IMPA1: variants seen among roughly 807,000 people sequenced by gnomAD.
IMPA1 encodes the protein D-galactose 1-phosphate phosphatase.
Under a neutral mutation model 34.9 loss-of-function variants are expected in IMPA1, and 21 were observed. The observed-to-expected ratio is 0.60, with a 90% CI of 0.43 to 0.87. The LOEUF is 0.87. Among genes scored for constraint, IMPA1 ranks in the 40% least tolerant of loss-of-function variants. The pLI is 0.00. For missense variants in IMPA1, 299 were observed against 336.4 expected, an observed-to-expected ratio of 0.89 and a Z score of 0.87; for synonymous variants, 95 against 104.4, an observed-to-expected ratio of 0.91 and a Z score of 0.55.
intron 1 of IMPA1, among the ~76,000 whole-genome samples, chr8:81,684,138 TACACACAC>T (rs955987022): frequency 8.8e-6 from 1 of 113,994 alleles, no homozygotes; most frequent in South Asian, 2.4e-4. Flanking sequence ...CATACACACA[TACACACAC>T]ACACACACAT....
intron 4 of IMPA1, among the ~76,000 whole-genome samples, chr8:81,676,757 G>C (rs1290682241): frequency 6.6e-6 from 1 of 152,016 alleles, no homozygotes; most frequent in Non-Finnish European, 1.5e-5. Flanking sequence ...GGCCAAAGCA[G>C]GAAGATCACT....
chr8:81,659,611 A>T, intron 8 of IMPA1, 145 bp from the exon 9 acceptor site: 1 of 608,826 alleles, frequency 1.6e-6, no homozygotes, highest in East Asian at 2.8e-5. Flanking sequence ...CATTTCTACA[A>T]TGTATAAGCT....
chr8:81,663,970 C>A (rs763297281), intron 7 of IMPA1, among the ~76,000 whole-genome samples: 1 of 151,940 alleles, frequency 6.6e-6, no homozygotes, highest in South Asian at 2.1e-4. Flanking sequence ...ACCCCGGAGG[C>A]GGAGGTTGCA....
chr8:81,683,467 G>C (rs1209108285), intron 1 of IMPA1, among the ~76,000 whole-genome samples: 1 of 152,118 alleles, frequency 6.6e-6, no homozygotes, highest in African/African-American at 2.4e-5. Context: ...TAACAGATTG[G>C]CTACAGAGTA....
chr8:81,684,122 C>CACACAT (rs1807390521), intron 1 of IMPA1, among the ~76,000 whole-genome samples: 1 of 117,878 alleles, frequency 8.5e-6, no homozygotes, highest in Admixed American at 8.0e-5. Flanking sequence ...TATACACACA[C>CACACAT]ACACACATAC....
chr8:81,681,943 C>T (rs3815882), intron 1 of IMPA1, among the ~76,000 whole-genome samples: 16,796 of 151,922 alleles, frequency 0.11, 979 homozygotes, highest in Middle Eastern at 0.16. Context: ...CGAGAAAGAA[C>T]ACTGGGAATA....
chr8:81,678,036 G>A (rs1807178699), intron 4 of IMPA1, among the ~76,000 whole-genome samples: 1 of 152,162 alleles, frequency 6.6e-6, no homozygotes, highest in African/African-American at 2.4e-5. Flanking sequence ...ATTCTACGAG[G>A]CAAGTGCTAT....
At chr8:81,672,513 T>C (rs988452964) in intron 6 of IMPA1, among the ~76,000 whole-genome samples, 1 of 152,202 alleles carries the variant, frequency 6.6e-6, no homozygotes, top group Non-Finnish European at 1.5e-5. Context: ...CACTAAGCAA[T>C]GTTATTTCTG....
At chr8:81,660,277 G>A in intron 8 of IMPA1, among the ~76,000 whole-genome samples, 1 of 152,116 alleles carries the variant, frequency 6.6e-6, no homozygotes. Context: ...CCTTTCAGGA[G>A]TACCTGAAAC....
At chr8:81,679,586 C>T (rs1027017269) in intron 3 of IMPA1, among the ~76,000 whole-genome samples, 3 of 147,930 alleles carry the variant, frequency 2.0e-5, no homozygotes, top group African/African-American at 7.6e-5. Context: ...GCACTCCAGC[C>T]TGGGTAACTG....
chr8:81,673,376 C>G (rs1375029152), intron 6 of IMPA1, among the ~76,000 whole-genome samples: 1 of 152,170 alleles, frequency 6.6e-6, no homozygotes, highest in Non-Finnish European at 1.5e-5. Context: ...GAACACCGCC[C>G]CCTTCCCCAC....
At chr8:81,681,678 G>C in intron 1 of IMPA1, 94 bp from the exon 2 acceptor site, 1 of 721,382 alleles carries the variant, frequency 1.4e-6, no homozygotes, top group Non-Finnish European at 2.4e-6. Context: ...GTCATTTCAG[G>C]ATTCACCCCC....
At chr8:81,661,054 T>C (rs745329639) in intron 7 of IMPA1, among the ~76,000 whole-genome samples, 1 of 151,982 alleles carries the variant, frequency 6.6e-6, no homozygotes, top group Non-Finnish European at 1.5e-5. Context: ...CTCTAGGAGG[T>C]GTAAAATATC....
intron 7 of IMPA1, among the ~76,000 whole-genome samples, chr8:81,664,765 C>A (rs1220992012): frequency 6.6e-6 from 1 of 151,554 alleles, no homozygotes; most frequent in Non-Finnish European, 1.5e-5. Flanking sequence ...ATACCTAATG[C>A]TAAATGACGA....
chr8:81,669,917 T>G (rs1806940055), intron 7 of IMPA1, among the ~76,000 whole-genome samples: 1 of 152,168 alleles, frequency 6.6e-6, no homozygotes. Context: ...ATCATAGGAC[T>G]AGGACTGGTG....
Position 81,657,259 on chromosome 8 carries a change from G to C in IMPA1, c.*2092C>G, listed in dbSNP as rs1401924415. On this transcript the variant is annotated 3_prime_UTR_variant, in exon 9 of 9. Coordinates refer to ENST00000256108, the MANE Select transcript of IMPA1 (RefSeq NM_005536.4). ...TAAGAACATATATTAAATTACATTTGCAAGTTTCAAATATTTGTAACTCAA... is the reference window on the plus strand; with the variant it reads ...TAAGAACATATATTAAATTACATTTCCAAGTTTCAAATATTTGTAACTCAA... Among the ~76,000 whole-genome samples the C allele has an allele frequency of 6.6e-6, 1 of 152,184 alleles. No individual in the cohort carries two copies. Among genetic ancestry groups the C allele is most frequent in the Non-Finnish European group, 1.5e-5 (1 of 68,036 alleles).
chr8:81,659,164 T>A lies in IMPA1; in HGVS notation c.*187A>T, dbSNP rs183172092. The A allele has an allele frequency of 3.1e-5, 18 of 581,326 alleles. No homozygotes were observed. The East Asian group carries it at 4.9e-4, about 16-fold the overall frequency. 36.0% of individuals were successfully genotyped at this position (581,326 alleles called of 1,614,324 possible). A position where few individuals can be genotyped will look rare whatever the true frequency, so the allele number is the denominator to read the frequency against. ...ATTCTTACATGCAAAATTTTTTAAA[T>A]CAGTGAAACAAACATTATGTCAATT... is the stretch of plus-strand genomic sequence containing the variant. On this transcript the variant is annotated 3_prime_UTR_variant, in exon 9 of 9. Coordinates refer to ENST00000256108, the MANE Select transcript of IMPA1 (RefSeq NM_005536.4).
chr8:81,665,060 G>T (rs777647577), intron 7 of IMPA1, among the ~76,000 whole-genome samples: 1 of 152,040 alleles, frequency 6.6e-6, no homozygotes, highest in Non-Finnish European at 1.5e-5. Context: ...ATCACAAAAC[G>T]AAGTGAAAAT....
At chr8:81,683,437 A>G (rs973957027) in intron 1 of IMPA1, among the ~76,000 whole-genome samples, 2 of 152,146 alleles carry the variant, frequency 1.3e-5, no homozygotes, top group African/African-American at 2.4e-5. Flanking sequence ...AGAGTCAGAG[A>G]TACCTGTTTT....
Sources: allele counts gnomAD v4.1 joint callset (sites outside exome capture counted in the v4.1 genomes callset), GRCh38; gene constraint gnomAD v4.1.1; transcripts MANE v1.5; gene names NCBI Gene and HGNC (gene_info 2026-07-23, HGNC 2026-07-21).